The following INTS4 variants were observed in gnomAD, a reference collection of about 807,000 sequenced individuals.
INTS4 encodes the protein MSTP093.
A neutral mutation model predicts 119.5 loss-of-function variants in INTS4; 70 were observed. The ratio of observed to expected loss-of-function variants is 0.59; its 90% CI spans 0.48 to 0.71. The LOEUF is 0.71. Among genes scored for constraint, INTS4 ranks in the 30% least tolerant of loss-of-function variants. The pLI is 0.00. For synonymous variants in INTS4, 316 were observed against 419.6 expected (o/e 0.75, Z 3.02); for missense variants, 867 against 1,173.2 (o/e 0.74, Z 3.81).
chr11:77,988,739 C>G (rs753951374), intron 2 of INTS4, among the ~76,000 whole-genome samples: 1 of 152,086 alleles, frequency 6.6e-6, no homozygotes, highest in Non-Finnish European at 1.5e-5. Context: ...TCTAACAAAG[C>G]CTATAGATCT....
At chr11:77,897,447 T>C (rs548121557) in intron 18 of INTS4, among the ~76,000 whole-genome samples, 4 of 151,700 alleles carry the variant, frequency 2.6e-5, no homozygotes, top group Admixed American at 2.0e-4. Flanking sequence ...TAAAAATTAA[T>C]AGAAGCTACA....
intron 21 of INTS4, among the ~76,000 whole-genome samples, chr11:77,889,783 G>A (rs554175523): frequency 2.0e-4 from 31 of 152,294 alleles, no homozygotes; most frequent in African/African-American, 7.5e-4. Context: ...ATGGGGCAGT[G>A]AGTTTCCTGT....
intron 4 of INTS4, 110 bp from the exon 5 acceptor site, chr11:77,961,248 A>G: frequency 7.4e-7 from 1 of 1,352,262 alleles, no homozygotes; most frequent in East Asian, 2.6e-5. Flanking sequence ...CAGCAACCTT[A>G]GGGGTGATTT....
chr11:77,943,434 T>C (rs1953976001), intron 8 of INTS4, among the ~76,000 whole-genome samples: 1 of 152,216 alleles, frequency 6.6e-6, no homozygotes, highest in African/African-American at 2.4e-5. Context: ...GAAGAACTGA[T>C]ATGAGTTGTG....
At chr11:77,893,348 G>A (rs1245272224) in intron 19 of INTS4, among the ~76,000 whole-genome samples, 1 of 152,208 alleles carries the variant, frequency 6.6e-6, no homozygotes, top group African/African-American at 2.4e-5. Context: ...GTTCACACCT[G>A]TAATCCCAAT....
chr11:77,969,350 T>C (rs1388765026), intron 4 of INTS4, among the ~76,000 whole-genome samples: 1 of 152,100 alleles, frequency 6.6e-6, no homozygotes, highest in Admixed American at 6.6e-5. Flanking sequence ...TATGTATGTA[T>C]AGGCGTATGT....
intron 3 of INTS4, among the ~76,000 whole-genome samples, chr11:77,979,586 C>A (rs1351403631): frequency 2.0e-5 from 3 of 151,944 alleles, no homozygotes; most frequent in Non-Finnish European, 4.4e-5. Flanking sequence ...ATGTCTGAGT[C>A]CTCCACGGGA....
At chr11:77,983,421 A>T (rs182619809) in intron 2 of INTS4, among the ~76,000 whole-genome samples, 6 of 152,280 alleles carry the variant, frequency 3.9e-5, no homozygotes, top group Admixed American at 3.3e-4. Context: ...TAGTTCTTTA[A>T]GTTGTAAAGT....
chr11:77,900,553 T>G (rs1300250786), intron 18 of INTS4: 2 of 532,426 alleles, frequency 3.8e-6, no homozygotes, highest in African/African-American at 3.9e-5. Context: ...CTATGGCACT[T>G]TTTTTTTTTT....
intron 15 of INTS4, among the ~76,000 whole-genome samples, chr11:77,913,441 A>G (rs1953133535): frequency 6.6e-6 from 1 of 150,814 alleles, no homozygotes; most frequent in Non-Finnish European, 1.5e-5. Context: ...CCTCCCGAGT[A>G]GCTGGGACTA....
At chr11:77,991,633 G>A (rs1856690779) in intron 1 of INTS4, among the ~76,000 whole-genome samples, 1 of 151,224 alleles carries the variant, frequency 6.6e-6, no homozygotes, top group African/African-American at 2.4e-5. Context: ...AGCAATCCTG[G>A]CACCTCAGCC....
chr11:77,942,638 A>T (rs1266998055), intron 8 of INTS4, among the ~76,000 whole-genome samples: 1 of 152,244 alleles, frequency 6.6e-6, no homozygotes, highest in South Asian at 2.1e-4. Flanking sequence ...GGGAGAACAT[A>T]GATTTATATT....
At chr11:77,971,945 T>C (rs1855752174) in intron 4 of INTS4, among the ~76,000 whole-genome samples, 2 of 152,224 alleles carry the variant, frequency 1.3e-5, no homozygotes, top group South Asian at 4.1e-4. Flanking sequence ...TTTTGCATGG[T>C]GTGAGGTAAG....
rs142047640 is a variant in INTS4, at chr11:77,970,115, G to A, written c.471+8881C>T. On this transcript the variant is annotated intron_variant, in intron 4 of 22. Transcript: ENST00000534064. ...ATGCTGCTGCTACAAACAACCATAGGGCCAGGTGCAGTGGCTCATGCCTGT... is the reference window on the plus strand; with the variant it reads ...ATGCTGCTGCTACAAACAACCATAGAGCCAGGTGCAGTGGCTCATGCCTGT... Among the ~76,000 whole-genome samples, 319 of 152,218 alleles carry A rather than the reference G, an allele frequency of 2.1e-3. 1 individual carries two copies. Among genetic ancestry groups the A allele is most frequent in the African/African-American group, 7.4e-3 (306 of 41,522 alleles).
intron 15 of INTS4, among the ~76,000 whole-genome samples, chr11:77,913,879 C>T (rs370845698): frequency 5.3e-5 from 8 of 152,024 alleles, no homozygotes; most frequent in African/African-American, 1.9e-4. Context: ...AGAGAACCTT[C>T]TGTATGAAAG....
chr11:77,982,892 G>A (rs1293296788), intron 2 of INTS4, among the ~76,000 whole-genome samples: 1 of 152,168 alleles, frequency 6.6e-6, no homozygotes, highest in East Asian at 1.9e-4. Context: ...CAATAAGGAG[G>A]CCTAAAGCAG....
chr11:77,884,323 GTATTTGGAGT>G (rs1951905883), intron 21 of INTS4, among the ~76,000 whole-genome samples: 1 of 152,186 alleles, frequency 6.6e-6, no homozygotes, highest in Non-Finnish European at 1.5e-5. Context: ...CCAACCACCA[GTATTTGGAGT>G]TATTTTGTAA....
chr11:77,963,352 CAAAAAAAAAAA>C (rs777966254), intron 4 of INTS4: 38 of 177,756 alleles, frequency 2.1e-4, no homozygotes, highest in Admixed American at 2.2e-4. Context: ...GACTCCGTCT[CAAAAAAAAAAA>C]AAAAAAAAAA....
chr11:77,878,083 C>G (rs1202178839), downstream of INTS4, among the ~76,000 whole-genome samples: 7 of 152,290 alleles, frequency 4.6e-5, no homozygotes, highest in East Asian at 1.3e-3. Flanking sequence ...TCCTTCAAAG[C>G]AAGGCGCGGT....
Sources: gnomAD v4.1 joint callset for allele counts (sites outside exome capture counted in the v4.1 genomes callset) on GRCh38, gnomAD v4.1.1 for gene constraint, MANE v1.5 for transcripts, NCBI Gene and HGNC (gene_info 2026-07-23, HGNC 2026-07-21) for gene names.